The following BEND5 variants were observed in gnomAD, a reference collection of about 807,000 sequenced individuals.
BEND5 encodes the protein BEN domain containing 5.
Under a neutral mutation model 43.9 loss-of-function variants are expected in BEND5, and 22 were observed. That is an observed-to-expected ratio of 0.50 (90% CI 0.36 to 0.72). BEND5 has a LOEUF of 0.72. Ranked by LOEUF, BEND5 falls within the 30% of genes least tolerant of loss-of-function variation. BEND5 has a pLI of 0.00. For missense variants in BEND5, 428 were observed against 550.6 expected (o/e 0.78, Z 2.23); for synonymous variants, 228 against 225.9 (o/e 1.01, Z -0.08).
intron 1 of BEND5, among the ~76,000 whole-genome samples, chr1:48,773,711 T>C (rs1644944659): frequency 6.6e-6 from 1 of 152,228 alleles, no homozygotes; most frequent in Non-Finnish European, 1.5e-5. Flanking sequence ...AGTGGGGGCC[T>C]GGCACTGGAA....
At chr1:48,749,746 CTG>C (rs957546995) in intron 3 of BEND5, among the ~76,000 whole-genome samples, 4 of 152,228 alleles carry the variant, frequency 2.6e-5, no homozygotes, top group Non-Finnish European at 4.4e-5. Flanking sequence ...CCAGGGAAAA[CTG>C]GACTGGTTCT....
chr1:48,744,996 AG>A (rs5774019), intron 3 of BEND5, among the ~76,000 whole-genome samples: 97,962 of 152,064 alleles, frequency 0.64, 33,139 homozygotes, highest in Non-Finnish European at 0.77. Flanking sequence ...ACTCCCAGGT[AG>A]GGGGGGTCTC....
At position 48,758,265 on chromosome 1, in the gene BEND5, G is replaced by T. The variant is rs543615315; in HGVS notation, c.745+635C>A. 6.6e-5 allele frequency among the ~76,000 whole-genome samples: 10 copies of T among 152,282 alleles called. No homozygotes were observed. In the East Asian group the frequency reaches 1.7e-3, roughly 26 times the overall value. On this transcript the variant is annotated intron_variant, in intron 3 of 5. Coordinates refer to ENST00000371833, the MANE Select transcript of BEND5 (RefSeq NM_024603.4). ...AGTCCAGACATCCCAGGCTGGTAAA[G>T]TTTTCAAGTCCTTCCATCTTCTGTC...
At chr1:48,761,673 A>T (rs766231837) in intron 1 of BEND5, among the ~76,000 whole-genome samples, 14 of 152,220 alleles carry the variant, frequency 9.2e-5, no homozygotes, top group Non-Finnish European at 1.5e-4. Flanking sequence ...GTGTTTGCTA[A>T]AAGCACTGTC....
At chr1:48,733,102 G>C (rs1190364691) in intron 5 of BEND5, among the ~76,000 whole-genome samples, 1 of 152,208 alleles carries the variant, frequency 6.6e-6, no homozygotes, top group Admixed American at 6.5e-5. Context: ...CACAGTGGGT[G>C]TAGCTCGTCT....
intron 2 of BEND5, 166 bp from the exon 3 acceptor site, chr1:48,759,450 G>T (rs1484268094): frequency 3.9e-6 from 5 of 1,266,678 alleles, no homozygotes; most frequent in Non-Finnish European, 5.2e-6. Flanking sequence ...TATAAATGGG[G>T]AAACATTTTA....
At chr1:48,751,976 T>G (rs1651811613) in intron 3 of BEND5, among the ~76,000 whole-genome samples, 1 of 152,188 alleles carries the variant, frequency 6.6e-6, no homozygotes, top group African/African-American at 2.4e-5. Context: ...TCCTTCAAAG[T>G]AGAAGATGAC....
At chr1:48,757,152 G>T (rs1160266118) in intron 3 of BEND5, among the ~76,000 whole-genome samples, 2 of 152,118 alleles carry the variant, frequency 1.3e-5, no homozygotes, top group Non-Finnish European at 2.9e-5. Flanking sequence ...TAAGTACCAA[G>T]AATTTCTGTT....
At chr1:48,761,552 G>C in intron 1 of BEND5, 82 bp from the exon 2 acceptor site, 2 of 1,384,028 alleles carry the variant, frequency 1.4e-6, no homozygotes, top group Non-Finnish European at 1.9e-6. Flanking sequence ...AACCTCAAAT[G>C]CTAGAAAATA....
chr1:48,776,485 G>A (rs1570641730), intron 1 of BEND5, 121 bp downstream of exon 1: 1 of 736,192 alleles, frequency 1.4e-6, no homozygotes. Flanking sequence ...GAGGACGGGA[G>A]AAGGAGGCAG....
intron 1 of BEND5, among the ~76,000 whole-genome samples, chr1:48,768,754 C>G (rs543318189): frequency 3.3e-5 from 5 of 152,278 alleles, no homozygotes; most frequent in African/African-American, 1.2e-4. Flanking sequence ...ACATAAAATG[C>G]TTTGTAAAGG....
At chr1:48,770,058 T>C (rs1217221405) in intron 1 of BEND5, among the ~76,000 whole-genome samples, 5 of 152,164 alleles carry the variant, frequency 3.3e-5, no homozygotes, top group Non-Finnish European at 5.9e-5. Context: ...CTCAGCACCA[T>C]GCTAGAAGCC....
At chr1:48,732,610 T>C (rs1444569108) in intron 5 of BEND5, among the ~76,000 whole-genome samples, 1 of 151,904 alleles carries the variant, frequency 6.6e-6, no homozygotes, top group Non-Finnish European at 1.5e-5. Flanking sequence ...GGCACGCAGA[T>C]CAGGAGCAAG....
chr1:48,733,796 G>A (rs1473424753), intron 5 of BEND5, among the ~76,000 whole-genome samples: 1 of 152,200 alleles, frequency 6.6e-6, no homozygotes, highest in African/African-American at 2.4e-5. Context: ...CAGGCGATCA[G>A]CTTGTGGGTC....
At chr1:48,763,188 G>A (rs925106048) in intron 1 of BEND5, among the ~76,000 whole-genome samples, 1 of 152,148 alleles carries the variant, frequency 6.6e-6, no homozygotes, top group Non-Finnish European at 1.5e-5. Flanking sequence ...AAAAAAAGAG[G>A]TGGTCTTTGT....
intron 1 of BEND5, among the ~76,000 whole-genome samples, chr1:48,770,258 G>A (rs1401425661): frequency 6.6e-6 from 1 of 152,114 alleles, no homozygotes; most frequent in Non-Finnish European, 1.5e-5. Context: ...TATGTATTTA[G>A]CTGTCCTATC....
intron 1 of BEND5, among the ~76,000 whole-genome samples, chr1:48,765,554 C>T (rs960379971): frequency 8.5e-5 from 13 of 152,148 alleles, no homozygotes; most frequent in East Asian, 1.9e-4. Flanking sequence ...CCAGCAATTC[C>T]GCTCCTGGGT....
intron 1 of BEND5, among the ~76,000 whole-genome samples, chr1:48,769,369 T>C (rs940173053): frequency 5.9e-5 from 9 of 152,104 alleles, no homozygotes; most frequent in African/African-American, 2.2e-4. Context: ...GGGAAGTTCA[T>C]TCTATGGAGC....
At chr1:48,738,615 C>T (rs1417104962) in intron 4 of BEND5, among the ~76,000 whole-genome samples, 5 of 152,194 alleles carry the variant, frequency 3.3e-5, no homozygotes, top group East Asian at 1.9e-4. Flanking sequence ...AAACAAGGAA[C>T]TTTGAATTAC....
Sources: allele counts gnomAD v4.1 joint callset (sites outside exome capture counted in the v4.1 genomes callset), GRCh38; gene constraint gnomAD v4.1.1; transcripts MANE v1.5; gene names NCBI Gene and HGNC (gene_info 2026-07-23, HGNC 2026-07-21).